Variants in RNGTT observed in about 807,000 individuals in gnomAD.
The protein encoded by RNGTT is mRNA-capping enzyme.
A neutral mutation model predicts 79.3 loss-of-function variants in RNGTT; 33 were observed. The ratio of observed to expected loss-of-function variants is 0.42; its 90% CI spans 0.32 to 0.56. RNGTT has a LOEUF of 0.56. RNGTT is among the 20% of genes least tolerant of loss of function. RNGTT has a pLI of 0.17. For missense variants in RNGTT, 497 were observed against 739.1 expected, an observed-to-expected ratio of 0.67 and a Z score of 3.80; for synonymous variants, 222 against 235.9, an observed-to-expected ratio of 0.94 and a Z score of 0.54.
intron 8 of RNGTT, among the ~76,000 whole-genome samples, chr6:88,855,008 G>A (rs1355397283): frequency 6.6e-6 from 1 of 152,128 alleles, no homozygotes; most frequent in East Asian, 1.9e-4. Flanking sequence ...AAGTTAAAAG[G>A]CATAAGCCTC....
At chr6:88,750,131 T>C (rs1582414903) in intron 13 of RNGTT, among the ~76,000 whole-genome samples, 1 of 152,190 alleles carries the variant, frequency 6.6e-6, no homozygotes, top group Middle Eastern at 3.4e-3. Context: ...TATTTCCAAA[T>C]AGGGTCACAT....
chr6:88,734,358 T>A (rs1777214174), intron 13 of RNGTT, among the ~76,000 whole-genome samples: 1 of 151,926 alleles, frequency 6.6e-6, no homozygotes, highest in Non-Finnish European at 1.5e-5. Context: ...TGGAATAATA[T>A]AAAATGTTCA....
chr6:88,942,114 T>C (rs890397819), intron 1 of RNGTT, among the ~76,000 whole-genome samples: 4 of 150,868 alleles, frequency 2.7e-5, no homozygotes, highest in Non-Finnish European at 1.5e-5. Context: ...CCCTATATGG[T>C]TTTTATTATC....
At position 88,678,297 on chromosome 6, in the gene RNGTT, T is replaced by C. The variant is rs749265174; in HGVS notation, c.1506+56A>G. 5 of 1,573,462 alleles carry C rather than the reference T, an allele frequency of 3.2e-6. No homozygotes were observed. In the South Asian group the frequency reaches 4.7e-5, roughly 15 times the overall value. Reference sequence around the variant, plus strand: ...TTGATTATTATTAGCAAGGTTTTGATGGATTCTAGATAAGAGAACATCCAG... The same window carrying C: ...TTGATTATTATTAGCAAGGTTTTGACGGATTCTAGATAAGAGAACATCCAG... On this transcript the variant is annotated intron_variant, in intron 14 of 15. Transcript: ENST00000369485.
intron 14 of RNGTT, among the ~76,000 whole-genome samples, chr6:88,645,692 T>A (rs1773521723): frequency 6.6e-6 from 1 of 152,018 alleles, no homozygotes. Context: ...CCCTCAGAAA[T>A]AATACCACAC....
intron 1 of RNGTT, among the ~76,000 whole-genome samples, chr6:88,948,517 G>A (rs1254056292): frequency 4.7e-5 from 7 of 148,562 alleles, no homozygotes; most frequent in Non-Finnish European, 7.5e-5. Context: ...CCGGCCGGCC[G>A]CCCCGTCCGG....
At chr6:88,728,385 G>C (rs1483695292) in intron 13 of RNGTT, among the ~76,000 whole-genome samples, 1 of 152,186 alleles carries the variant, frequency 6.6e-6, no homozygotes, top group Non-Finnish European at 1.5e-5. Flanking sequence ...GGGAGATTTT[G>C]ATAAAGACCC....
chr6:88,893,557 A>C (rs573950063), intron 6 of RNGTT, among the ~76,000 whole-genome samples: 28 of 152,310 alleles, frequency 1.8e-4, no homozygotes, highest in African/African-American at 6.7e-4. Flanking sequence ...TTACCACAGA[A>C]ATATTTTAAT....
chr6:88,826,844 A>G (rs35675874), intron 11 of RNGTT, among the ~76,000 whole-genome samples: 34,710 of 118,484 alleles, frequency 0.29, 4,945 homozygotes, highest in Non-Finnish European at 0.35. Context: ...ATATATATAT[A>G]TGTGTGTGTG....
At chr6:88,910,574 A>G (rs9451102) in intron 4 of RNGTT, among the ~76,000 whole-genome samples, 140,134 of 152,240 alleles carry the variant, frequency 0.92, 64,744 homozygotes, top group East Asian at 1. Flanking sequence ...CATATTTGAG[A>G]ATATAATCCA....
At chr6:88,834,886 C>T (rs1314173639) in intron 11 of RNGTT, among the ~76,000 whole-genome samples, 2 of 151,820 alleles carry the variant, frequency 1.3e-5, no homozygotes, top group Non-Finnish European at 2.9e-5. Context: ...TCCTGCCTAA[C>T]GAAGCATGCA....
chr6:88,674,994 A>G (rs1774808580), intron 14 of RNGTT, among the ~76,000 whole-genome samples: 2 of 151,852 alleles, frequency 1.3e-5, no homozygotes. Flanking sequence ...GCTACTCGGG[A>G]GGCTGAGGCA....
chr6:88,662,784 C>T (rs952202119), intron 14 of RNGTT, among the ~76,000 whole-genome samples: 1 of 152,204 alleles, frequency 6.6e-6, no homozygotes, highest in Admixed American at 6.5e-5. Flanking sequence ...GTGCGGCAGA[C>T]CCCCGTGGAG....
intron 12 of RNGTT, among the ~76,000 whole-genome samples, chr6:88,772,197 A>C (rs1193374286): frequency 6.6e-6 from 1 of 152,046 alleles, no homozygotes; most frequent in African/African-American, 2.4e-5. Flanking sequence ...AAAATGTGCA[A>C]TAGCATCTAG....
intron 13 of RNGTT, among the ~76,000 whole-genome samples, chr6:88,719,863 A>C (rs745408326): frequency 1.3e-5 from 2 of 152,228 alleles, no homozygotes; most frequent in African/African-American, 2.4e-5. Flanking sequence ...ATTCCTTGTC[A>C]TCTTTCTTAC....
chr6:88,745,951 C>T (rs1046572142), intron 13 of RNGTT, among the ~76,000 whole-genome samples: 1 of 152,182 alleles, frequency 6.6e-6, no homozygotes, highest in African/African-American at 2.4e-5. Flanking sequence ...GATCAGGACC[C>T]TGTAACCCTG....
At chr6:88,764,050 G>T (rs1174038195) in intron 13 of RNGTT, among the ~76,000 whole-genome samples, 9 of 152,146 alleles carry the variant, frequency 5.9e-5, no homozygotes. Flanking sequence ...CCAAGATCTT[G>T]TGGCAAGAAT....
At chr6:88,902,886 G>A (rs1394516335) in intron 6 of RNGTT, among the ~76,000 whole-genome samples, 1 of 151,634 alleles carries the variant, frequency 6.6e-6, no homozygotes, top group Non-Finnish European at 1.5e-5. Flanking sequence ...TAGTAGAGAC[G>A]GGGTTTCACA....
chr6:88,630,220 C>T (rs1257300475), intron 14 of RNGTT, among the ~76,000 whole-genome samples: 1 of 152,180 alleles, frequency 6.6e-6, no homozygotes, highest in East Asian at 1.9e-4. Flanking sequence ...AAGCCAAAGA[C>T]TCATTATTTG....
Sources: gnomAD v4.1 joint callset for allele counts (sites outside exome capture counted in the v4.1 genomes callset) on GRCh38, gnomAD v4.1.1 for gene constraint, MANE v1.5 for transcripts, NCBI Gene and HGNC (gene_info 2026-07-23, HGNC 2026-07-21) for gene names.